ST3GAL4: variants seen among roughly 807,000 people sequenced by gnomAD.
ST3GAL4 encodes the protein ST3 beta-galactoside alpha-2,3-sialyltransferase 4.
Under a neutral mutation model 42.6 loss-of-function variants are expected in ST3GAL4, and 24 were observed. The ratio of observed to expected loss-of-function variants is 0.56; its 90% CI spans 0.41 to 0.79. The LOEUF (loss-of-function observed/expected upper bound fraction) is 0.79. ST3GAL4 is among the 30% of genes least tolerant of loss of function. The probability of loss-of-function intolerance (pLI) is 0.00; values close to 1 mark genes in which losing one functional copy is unlikely to be tolerated. For synonymous variants in ST3GAL4, 135 were observed against 163.2 expected (o/e 0.83, Z 1.32); for missense variants, 311 against 430.8 (o/e 0.72, Z 2.46).
In ST3GAL4 at chr11:126,407,308, C is replaced by T. The variant is rs751179970; in HGVS notation, c.239C>T (p.Thr80Met). The stretch of plus-strand genomic sequence containing the variant: ...CTTGAGGATTATTTCTGGGTCAAGA[C>T]GCCATCTGCTTACGAGCTGCCCTAT... Reference protein sequence around the residue: ...LRLEDYFWVKTPSAYELPYGT... With the variant: ...LRLEDYFWVKMPSAYELPYGT... The change falls in exon 5 of 11, where the codon ACG becomes ATG. Residue 80 changes from threonine (T) to methionine (M), a missense_variant. Thr to Met is a moderately conservative substitution (Grantham distance 81). Coordinates refer to ENST00000444328, the MANE Select transcript of ST3GAL4 (RefSeq NM_001254757.2). 77 of 1,614,084 alleles carry T rather than the reference C, an allele frequency of 4.8e-5. No homozygotes were observed. Among genetic ancestry groups the T allele is most frequent in the African/African-American group, 1.9e-4 (14 of 74,916 alleles).
intron 1 of ST3GAL4, among the ~76,000 whole-genome samples, chr11:126,364,563 C>G (rs1257540857): frequency 7.0e-6 from 1 of 142,966 alleles, no homozygotes. Context: ...AGGTGTTGGG[C>G]TGGATGTGGG....
At chr11:126,356,376 C>A (rs1952062102) in intron 1 of ST3GAL4, 1 of 152,470 alleles carries the variant, frequency 6.6e-6, no homozygotes, top group Admixed American at 6.5e-5. Flanking sequence ...AGGCCTAGGC[C>A]ACTGTGCCTC....
chr11:126,414,465 C>T lies in ST3GAL4; in HGVS notation c.*418C>T, dbSNP rs2135576074. 1 of 195,914 alleles carries T rather than the reference C, an allele frequency of 5.1e-6. No homozygotes were observed. The highest frequency in any genetic ancestry group is 1.1e-4 in the South Asian group (1 of 9,386). The allele number at this position is 195,914 out of a possible 1,614,324, so 12.1% of individuals were successfully genotyped here. A position where few individuals can be genotyped will look rare whatever the true frequency, so the allele number is the denominator to read the frequency against. The stretch of plus-strand genomic sequence containing the variant: ...GCCCCACCAAGGCCTAGACACGGCA[C>T]TGGCCTCCCAGGAGGGCAGGGGCAT... On this transcript the variant is annotated 3_prime_UTR_variant, in exon 11 of 11. Coordinates refer to ENST00000444328, the MANE Select transcript of ST3GAL4 (RefSeq NM_001254757.2).
intron 1 of ST3GAL4, among the ~76,000 whole-genome samples, chr11:126,404,731 A>T (rs755481176): frequency 6.6e-6 from 1 of 152,068 alleles, no homozygotes; most frequent in African/African-American, 2.4e-5. Context: ...GGGTTTGGGG[A>T]TGGTGCTTCT....
chr11:126,371,781 C>T (rs1232732676), intron 1 of ST3GAL4, among the ~76,000 whole-genome samples: 1 of 152,248 alleles, frequency 6.6e-6, no homozygotes, highest in Non-Finnish European at 1.5e-5. Context: ...TTACTCGGGG[C>T]TGTGCCCGGA....
intron 1 of ST3GAL4, among the ~76,000 whole-genome samples, chr11:126,371,163 C>CTTATTTTTT (rs1555082244): frequency 1.7e-5 from 1 of 59,974 alleles, no homozygotes; most frequent in Non-Finnish European, 3.0e-5. Flanking sequence ...CCCCACATTC[C>CTTATTTTTT]TTTTTTTTTT....
intron 1 of ST3GAL4, among the ~76,000 whole-genome samples, chr11:126,375,692 T>C (rs1952810898): frequency 6.6e-6 from 1 of 152,122 alleles, no homozygotes; most frequent in East Asian, 1.9e-4. Flanking sequence ...CATTTGGAAA[T>C]GTCTGGAAAC....
At chr11:126,388,581 C>T (rs997777368) in intron 1 of ST3GAL4, among the ~76,000 whole-genome samples, 2 of 151,498 alleles carry the variant, frequency 1.3e-5, no homozygotes, top group African/African-American at 4.9e-5. Context: ...ATCCATCCAC[C>T]TTGGCCTTCC....
chr11:126,406,214 T>G lies in ST3GAL4; in HGVS notation c.16+43T>G. ...GCTCCCCCACCCTGGAGGACAGGCC[T>G]CAGAAGCCGTCTTCAGCAGGATCCT... On this transcript the variant is annotated intron_variant, in intron 2 of 10. Coordinates refer to ENST00000444328, the MANE Select transcript of ST3GAL4 (RefSeq NM_001254757.2). This position sits in a 1 kb window ranked among gnomAD's most constrained non-coding sequence, Gnocchi z 5.4. 6.4e-7 allele frequency: 1 copy of G among 1,554,310 alleles called. No homozygotes were observed. Among genetic ancestry groups the G allele is most frequent in the South Asian group, 1.2e-5 (1 of 84,234 alleles).
At position 126,383,208 on chromosome 11, in the gene ST3GAL4, C is replaced by T. The variant is rs1234521071; in HGVS notation, c.-60-22888C>T. Among the ~76,000 whole-genome samples, 1 of 152,218 alleles carries T rather than the reference C, an allele frequency of 6.6e-6. No individual in the cohort carries two copies. Among genetic ancestry groups the T allele is most frequent in the Non-Finnish European group, 1.5e-5 (1 of 68,024 alleles). ...TGGGTCTCCTCTCAGGTGCCAGAATCTTTCTGGGAGCTGAGCCTGGCTGGG... is the reference window on the plus strand; with the variant it reads ...TGGGTCTCCTCTCAGGTGCCAGAATTTTTCTGGGAGCTGAGCCTGGCTGGG... On this transcript the variant is annotated intron_variant, in intron 1 of 10. Transcript: ENST00000444328. This position sits in a 1 kb window ranked among gnomAD's most constrained non-coding sequence, Gnocchi z 4.5.
In ST3GAL4 at chr11:126,386,132, G is replaced by A. The variant is rs188762392; in HGVS notation, c.-60-19964G>A. On this transcript the variant is annotated intron_variant, in intron 1 of 10. Coordinates refer to ENST00000444328, the MANE Select transcript of ST3GAL4 (RefSeq NM_001254757.2). The surrounding 1 kb of genome is among the most constrained non-coding windows in gnomAD (Gnocchi z 4.7). The stretch of plus-strand genomic sequence containing the variant: ...ATGGCTGCCCTTCATGTAGGCCTCC[G>A]GTTTATAGCCGGCTCCTCAGAGACA... Among the ~76,000 whole-genome samples the A allele has an allele frequency of 4.6e-5, 7 of 152,232 alleles. No homozygotes were observed. Among genetic ancestry groups the A allele is most frequent in the Admixed American group, 1.3e-4 (2 of 15,284 alleles).
intron 1 of ST3GAL4, among the ~76,000 whole-genome samples, chr11:126,367,247 C>T (rs970560875): frequency 2.6e-5 from 4 of 152,200 alleles, no homozygotes; most frequent in African/African-American, 9.6e-5. Flanking sequence ...GGCCTCCTCC[C>T]CCTCCCCTTC....
At chr11:126,364,956 G>A (rs1952374081) in intron 1 of ST3GAL4, among the ~76,000 whole-genome samples, 1 of 150,080 alleles carries the variant, frequency 6.7e-6, no homozygotes, top group Non-Finnish European at 1.5e-5. Context: ...CAGCTGGACT[G>A]GCAGCCCTGC....
chr11:126,372,651 G>C (rs11220459), intron 1 of ST3GAL4, among the ~76,000 whole-genome samples: 27,002 of 152,008 alleles, frequency 0.18, 2,596 homozygotes, highest in East Asian at 0.36. Context: ...CCCAACCTCA[G>C]GTGATCTGCG....
In ST3GAL4 at chr11:126,392,623, T is replaced by C. The variant is rs1247205547; in HGVS notation, c.-60-13473T>C. Among the ~76,000 whole-genome samples, 1 of 152,206 alleles carries C rather than the reference T, an allele frequency of 6.6e-6. No individual in the cohort carries two copies. The highest frequency in any genetic ancestry group is 2.4e-5 in the African/African-American group (1 of 41,450). On this transcript the variant is annotated intron_variant, in intron 1 of 10. Transcript: ENST00000444328. This position sits in a 1 kb window ranked among gnomAD's most constrained non-coding sequence, Gnocchi z 5.8. ...GTTTGCTGATGAATTCAGACCTCCA[T>C]TCATTTAAATATTTGTCAGTTATCT...
chr11:126,372,842 C>T (rs1461807490), intron 1 of ST3GAL4, among the ~76,000 whole-genome samples: 1 of 152,162 alleles, frequency 6.6e-6, no homozygotes, highest in African/African-American at 2.4e-5. Context: ...TTGATGGATA[C>T]TTGGGTTGCT....
rs572041925 is a variant in ST3GAL4 at position 126,392,560 on chromosome 11, T to C, written c.-60-13536T>C. 6.6e-6 allele frequency among the ~76,000 whole-genome samples: 1 copy of C among 152,374 alleles called. No individual in the cohort carries two copies. Among genetic ancestry groups the C allele is most frequent in the East Asian group, 1.9e-4 (1 of 5,188 alleles). On this transcript the variant is annotated intron_variant, in intron 1 of 10. Coordinates refer to ENST00000444328, the MANE Select transcript of ST3GAL4 (RefSeq NM_001254757.2). The surrounding 1 kb of genome is among the most constrained non-coding windows in gnomAD (Gnocchi z 5.8). ...CTTTTCAGAATAAGCCTGGCTTGTT[T>C]TAACTTGATGCAACTTGCTGCTCAC...
At chr11:126,374,205 A>C (rs920000989) in intron 1 of ST3GAL4, among the ~76,000 whole-genome samples, 3 of 151,980 alleles carry the variant, frequency 2.0e-5, no homozygotes, top group African/African-American at 7.3e-5. Flanking sequence ...TAATCCCAGC[A>C]CTTTGGGAGG....
intron 1 of ST3GAL4, among the ~76,000 whole-genome samples, chr11:126,369,702 T>A (rs903647113): frequency 6.6e-5 from 10 of 152,368 alleles, no homozygotes; most frequent in East Asian, 3.9e-4. Context: ...TCCTTTTTTT[T>A]ATTTTAATCA....
Sources: gnomAD v4.1 joint callset for allele counts (sites outside exome capture counted in the v4.1 genomes callset) on GRCh38, gnomAD v4.1.1 for gene constraint, Gnocchi (gnomAD v3.1) non-coding constraint, MANE v1.5 for transcripts, NCBI Gene and HGNC (gene_info 2026-07-23, HGNC 2026-07-21) for gene names.